TMEM135: variants seen among roughly 807,000 people sequenced by gnomAD.
TMEM135 encodes the protein peroxisomal membrane protein 52.
TMEM135 carries 30 observed loss-of-function variants against 60.3 expected under a neutral mutation model. The ratio of observed to expected loss-of-function variants is 0.50; its 90% CI spans 0.37 to 0.68. The LOEUF (loss-of-function observed/expected upper bound fraction) is 0.68, where lower values mean the gene tolerates loss of function less well. TMEM135 is among the 30% of genes least tolerant of loss of function. The pLI is 0.00. For synonymous variants in TMEM135, 190 were observed against 186.7 expected (o/e 1.02, Z -0.14); for missense variants, 468 against 548.8 (o/e 0.85, Z 1.47).
chr11:87,248,348 C>G (rs1941337174), intron 6 of TMEM135, among the ~76,000 whole-genome samples: 1 of 152,180 alleles, frequency 6.6e-6, no homozygotes. Flanking sequence ...TTCTTCACAT[C>G]TTCTCACAGC....
intron 4 of TMEM135, among the ~76,000 whole-genome samples, chr11:87,130,859 A>AT (rs1226307823): frequency 1.3e-5 from 2 of 151,974 alleles, no homozygotes; most frequent in East Asian, 1.9e-4. Flanking sequence ...AATTTCACCC[A>AT]TTTTTTATAT....
chr11:87,315,577 C>G (rs1263587650), intron 12 of TMEM135, among the ~76,000 whole-genome samples: 1 of 151,902 alleles, frequency 6.6e-6, no homozygotes, highest in African/African-American at 2.4e-5. Context: ...CACTGGGATT[C>G]ATTATTTCAT....
In TMEM135 at chr11:87,287,241, C is replaced by A. The variant is rs536116588; in HGVS notation, c.510-8541C>A. Among the ~76,000 whole-genome samples, 439 of 152,290 alleles carry A rather than the reference C, an allele frequency of 2.9e-3. 3 individuals are homozygous for A. The highest frequency in any genetic ancestry group is 9.9e-3 in the African/African-American group (413 of 41,566). ...TTTGCATTCTTCAAGTGATCAGCAA[C>A]ACAATGTCTTCTGTATATTAGATGC... is the stretch of plus-strand genomic sequence containing the variant. On this transcript the variant is annotated intron_variant, in intron 6 of 14. Coordinates refer to ENST00000305494, the MANE Select transcript of TMEM135 (RefSeq NM_022918.4).
At chr11:87,257,873 T>C (rs1299623562) in intron 6 of TMEM135, among the ~76,000 whole-genome samples, 1 of 152,126 alleles carries the variant, frequency 6.6e-6, no homozygotes, top group Non-Finnish European at 1.5e-5. Context: ...AATATTTCAA[T>C]GGTATCTCAA....
At chr11:87,265,670 A>G (rs1374001400) in intron 6 of TMEM135, among the ~76,000 whole-genome samples, 2 of 152,112 alleles carry the variant, frequency 1.3e-5, no homozygotes, top group Admixed American at 1.3e-4. Flanking sequence ...TAAAGAAAAT[A>G]AAAGAAACAC....
intron 1 of TMEM135, among the ~76,000 whole-genome samples, chr11:87,045,084 C>T (rs998146219): frequency 6.6e-5 from 10 of 152,160 alleles, no homozygotes; most frequent in South Asian, 6.2e-4. Flanking sequence ...GGCTGGAGTG[C>T]GGTGGCGCGA....
chr11:87,056,238 G>A (rs1378509729), intron 1 of TMEM135, among the ~76,000 whole-genome samples: 3 of 152,110 alleles, frequency 2.0e-5, no homozygotes, highest in Non-Finnish European at 2.9e-5. Context: ...TCCTTTAACC[G>A]TAAACATCCA....
At chr11:87,159,617 A>ACACACACACACAACCC in intron 5 of TMEM135, among the ~76,000 whole-genome samples, 1 of 149,458 alleles carries the variant, frequency 6.7e-6, no homozygotes, top group East Asian at 2.0e-4. Flanking sequence ...ACACACACAC[A>ACACACACACACAACCC]CCATAGATTT....
At chr11:87,233,170 A>T (rs988961082) in intron 5 of TMEM135, among the ~76,000 whole-genome samples, 6 of 151,888 alleles carry the variant, frequency 4.0e-5, no homozygotes, top group African/African-American at 9.7e-5. Flanking sequence ...GCAAAACAGA[A>T]CAAAAACTCA....
intron 6 of TMEM135, among the ~76,000 whole-genome samples, chr11:87,273,534 A>G (rs911186756): frequency 1.6e-4 from 25 of 152,168 alleles, no homozygotes; most frequent in African/African-American, 5.8e-4. Flanking sequence ...TATTGCTCAC[A>G]AAATGAAAAT....
chr11:87,142,144 C>T (rs985866972), intron 4 of TMEM135, among the ~76,000 whole-genome samples: 1 of 152,118 alleles, frequency 6.6e-6, no homozygotes, highest in Non-Finnish European at 1.5e-5. Flanking sequence ...AGGGCATGGG[C>T]CACAGGTGGT....
chr11:87,127,517 G>A (rs964330385), intron 4 of TMEM135, among the ~76,000 whole-genome samples: 1 of 152,124 alleles, frequency 6.6e-6, no homozygotes, highest in African/African-American at 2.4e-5. Flanking sequence ...AATTGAACTT[G>A]TATGATACTC....
intron 6 of TMEM135, among the ~76,000 whole-genome samples, chr11:87,287,508 C>T (rs898595117): frequency 2.0e-5 from 3 of 152,080 alleles, no homozygotes; most frequent in Non-Finnish European, 4.4e-5. Context: ...GAAACCCCGT[C>T]TCTACTAAAA....
Position 87,129,497 on chromosome 11 carries a change from C to T in TMEM135, c.397-27844C>T, listed in dbSNP as rs769305872. On this transcript the variant is annotated intron_variant, in intron 4 of 14. Transcript: ENST00000305494. ...ACCTCAGGTAATCCGTCTGCCTAGG[C>T]CTCCCAAAGTGCTGGGATTACAGGC... Among the ~76,000 whole-genome samples the T allele has an allele frequency of 4.3e-4, 65 of 150,648 alleles. No individual in the cohort carries two copies. In the Middle Eastern group the frequency reaches 0.014, roughly 32 times the overall value.
intron 5 of TMEM135, among the ~76,000 whole-genome samples, chr11:87,189,207 C>G (rs559608567): frequency 6.6e-6 from 1 of 151,078 alleles, no homozygotes; most frequent in Non-Finnish European, 1.5e-5. Flanking sequence ...GCCTCCCAGG[C>G]TGGAGTACAG....
rs1158725847 is a variant in TMEM135, at chr11:87,328,520, T to C, written c.*7187T>C. 1 of 454,060 alleles carries C rather than the reference T, an allele frequency of 2.2e-6. No homozygotes were observed. The allele number at this position is 454,060 out of a possible 1,614,324, so 28.1% of individuals were successfully genotyped here. On this transcript the variant is annotated 3_prime_UTR_variant, in exon 15 of 15. Coordinates refer to ENST00000305494, the MANE Select transcript of TMEM135 (RefSeq NM_022918.4). The stretch of plus-strand genomic sequence containing the variant: ...TATTCCTTCCCCTTCTGAGTCTCCA[T>C]AGTCCATTATATCACTCTGTATACC...
intron 6 of TMEM135, among the ~76,000 whole-genome samples, chr11:87,240,365 C>T (rs968413405): frequency 1.3e-5 from 2 of 151,736 alleles, no homozygotes; most frequent in South Asian, 4.2e-4. Context: ...TTGTTTCTAT[C>T]GATTTTGGCC....
intron 5 of TMEM135, among the ~76,000 whole-genome samples, chr11:87,195,391 T>C (rs971538548): frequency 6.1e-5 from 4 of 65,792 alleles, no homozygotes; most frequent in African/African-American, 2.2e-4. Context: ...CCTTCCTTCC[T>C]TCTCTCTCTC....
At chr11:87,196,425 G>A (rs1408642991) in intron 5 of TMEM135, among the ~76,000 whole-genome samples, 1 of 152,080 alleles carries the variant, frequency 6.6e-6, no homozygotes, top group African/African-American at 2.4e-5. Flanking sequence ...CAGATGCTGA[G>A]GAAATACTAT....
Sources: allele counts gnomAD v4.1 joint callset (sites outside exome capture counted in the v4.1 genomes callset), GRCh38; gene constraint gnomAD v4.1.1; transcripts MANE v1.5; gene names NCBI Gene and HGNC (gene_info 2026-07-23, HGNC 2026-07-21).